BTD: variants seen among roughly 807,000 people sequenced by gnomAD.
The protein encoded by BTD is biocytinase.
In BTD, 13 loss-of-function variants were observed where a neutral mutation model predicts 17.7. That is an observed-to-expected ratio of 0.74 (90% confidence interval 0.48 to 1.17). The LOEUF (loss-of-function observed/expected upper bound fraction) is 1.17, where lower values mean the gene tolerates loss of function less well. BTD is among the 50% of genes most tolerant of loss of function. The pLI is 0.00. For synonymous variants in BTD, 240 were observed against 245.2 expected (o/e 0.98, Z 0.20); for missense variants, 674 against 650.4 (o/e 1.04, Z -0.39).
intron 3 of BTD, among the ~76,000 whole-genome samples, chr3:15,700,716 G>A (rs2070452316): frequency 6.6e-6 from 1 of 152,210 alleles, no homozygotes; most frequent in Non-Finnish European, 1.5e-5. Flanking sequence ...GGAGGTTGCA[G>A]TGAGCAGAGA....
intron 2 of BTD, among the ~76,000 whole-genome samples, chr3:15,640,393 T>C (rs2065463965): frequency 6.6e-6 from 1 of 150,654 alleles, no homozygotes; most frequent in Non-Finnish European, 1.5e-5. Flanking sequence ...AGTTTTTTTT[T>C]TTTCCTTTTT....
rs1232335886 is a variant in BTD at position 15,635,147 on chromosome 3, T to C, written c.-16-277T>C. 6.6e-6 allele frequency among the ~76,000 whole-genome samples: 1 copy of C among 152,244 alleles called. No individual in the cohort carries two copies. The highest frequency in any genetic ancestry group is 1.5e-5 in the Non-Finnish European group (1 of 68,036). ...GGGTAGTGACGCACTACAGTCTTGC[T>C]GAACACTGGGTAAGAAAATCATAGC... On this transcript the variant is annotated intron_variant, in intron 1 of 3. Transcript: ENST00000643237. This position sits in a 1 kb window ranked among gnomAD's most constrained non-coding sequence, Gnocchi z 4.1.
At chr3:15,622,747 G>A (rs992571165) in intron 1 of BTD, among the ~76,000 whole-genome samples, 8 of 151,826 alleles carry the variant, frequency 5.3e-5, no homozygotes, top group Non-Finnish European at 1.0e-4. Flanking sequence ...TTGGCACAAT[G>A]CACATTAAGG....
chr3:15,640,984 T>TGCCTGCCTTCTCC (rs1272214066), intron 2 of BTD, among the ~76,000 whole-genome samples: 2 of 152,220 alleles, frequency 1.3e-5, no homozygotes, highest in African/African-American at 4.8e-5. Context: ...ATGCCTTCTC[T>TGCCTGCCTTCTCC]GCCTGCCTTC....
rs145920934 is a variant in BTD at position 15,652,631 on chromosome 3, G to A, written c.*7143G>A. On this transcript the variant is annotated 3_prime_UTR_variant, in exon 4 of 4. Transcript: ENST00000643237. The stretch of plus-strand genomic sequence containing the variant: ...CTCAGAAACTATAAAATATAAATGT[G>A]TGTTGTTTTAAAATCCTAGGTTTTG... Among the ~76,000 whole-genome samples the A allele has an allele frequency of 6.6e-6, 1 of 152,308 alleles. No homozygotes were observed. The highest frequency in any genetic ancestry group is 1.9e-4 in the East Asian group (1 of 5,184).
intron 1 of BTD, among the ~76,000 whole-genome samples, chr3:15,604,799 G>T (rs1031614608): frequency 4.6e-5 from 7 of 152,186 alleles, no homozygotes; most frequent in African/African-American, 1.4e-4. Flanking sequence ...TGCATAGCAA[G>T]AGTGACCTTT....
At chr3:15,670,165 G>A (rs1575055635) in intron 3 of BTD, 1 of 1,290,864 alleles carries the variant, frequency 7.7e-7, no homozygotes, top group East Asian at 2.5e-5. Flanking sequence ...CTCACTGTGG[G>A]ATCTTTCCTC....
intron 3 of BTD, chr3:15,676,081 T>G: frequency 2.9e-6 from 3 of 1,032,088 alleles, no homozygotes; most frequent in Non-Finnish European, 4.2e-6. Context: ...TTTTGTCAAC[T>G]TGTGAAGACC....
At position 15,649,491 on chromosome 3, in the gene BTD, C is replaced by T. The variant is rs1037550000; in HGVS notation, c.*4003C>T. On this transcript the variant is annotated 3_prime_UTR_variant, in exon 4 of 4. Transcript: ENST00000643237. ...TGCTCAATCCAAATCACAGCTCTCC[C>T]GTTTCTCACCTCCCAACAGTTGCTG... Among the ~76,000 whole-genome samples the T allele has an allele frequency of 5.3e-5, 8 of 152,226 alleles. No individual in the cohort carries two copies. The highest frequency in any genetic ancestry group is 1.4e-4 in the African/African-American group (6 of 41,468).
At chr3:15,630,709 A>C (rs975786964) in intron 1 of BTD, among the ~76,000 whole-genome samples, 1 of 152,208 alleles carries the variant, frequency 6.6e-6, no homozygotes, top group African/African-American at 2.4e-5. Flanking sequence ...TGAAATTACA[A>C]TTTACCACCT....
At chr3:15,686,277 A>G (rs748917254) in intron 3 of BTD, 4 of 1,590,088 alleles carry the variant, frequency 2.5e-6, no homozygotes, top group South Asian at 1.1e-5. Context: ...TTTCCTATTA[A>G]TAGCCGTAAG....
chr3:15,642,336 T>C, intron 3 of BTD: 3 of 1,238,944 alleles, frequency 2.4e-6, no homozygotes, highest in Non-Finnish European at 3.2e-6. Context: ...AAAGAAAAGT[T>C]CATCTTCACC....
rs752579882 is a variant in BTD, at chr3:15,652,608, CAG to C, written c.*7122_*7123del. Reference sequence around the variant, plus strand: ...AAGTCACTCTTGATTTCCTAAGTCTCAGAAACTATAAAATATAAATGTGTGTT... The same window carrying C: ...AAGTCACTCTTGATTTCCTAAGTCTCAAACTATAAAATATAAATGTGTGTT... On this transcript the variant is annotated 3_prime_UTR_variant, in exon 4 of 4. Coordinates refer to ENST00000643237, the MANE Select transcript of BTD (RefSeq NM_001370658.1). 1.2e-4 allele frequency among the ~76,000 whole-genome samples: 18 copies of C among 152,324 alleles called. No individual in the cohort carries two copies. In the Middle Eastern group the frequency reaches 0.01, roughly 86 times the overall value.
chr3:15,642,795 A>C (rs1421485202), intron 3 of BTD, among the ~76,000 whole-genome samples: 2 of 152,060 alleles, frequency 1.3e-5, no homozygotes, highest in East Asian at 3.9e-4. Context: ...CTATATGCTT[A>C]TTCATTTTAA....
downstream of BTD, among the ~76,000 whole-genome samples, chr3:15,657,840 G>A (rs2455797): frequency 0.67 from 100,884 of 151,070 alleles, 33,948 homozygotes; most frequent in East Asian, 0.78. Context: ...AAAAAAAAGA[G>A]TACCAGAAAC....
intron 3 of BTD, among the ~76,000 whole-genome samples, chr3:15,698,734 TAA>T (rs2070069722): frequency 6.6e-6 from 1 of 151,972 alleles, no homozygotes. Context: ...CTCAATGAAA[TAA>T]AAGAGGACAT....
At chr3:15,654,822 C>T (rs1330316978), downstream of BTD, among the ~76,000 whole-genome samples, 5 of 152,090 alleles carry the variant, frequency 3.3e-5, no homozygotes, top group Admixed American at 2.6e-4. Flanking sequence ...GCAACCTCTG[C>T]GTCCCGGGTT....
intron 3 of BTD, chr3:15,667,246 T>C (rs1345048437): frequency 6.6e-6 from 1 of 152,244 alleles, no homozygotes; most frequent in Admixed American, 6.5e-5. Flanking sequence ...TTTATTGCAT[T>C]AAAAAACTTT....
intron 3 of BTD, among the ~76,000 whole-genome samples, chr3:15,691,927 G>A (rs1022616966): frequency 6.6e-6 from 1 of 151,878 alleles, no homozygotes; most frequent in Admixed American, 6.6e-5. Flanking sequence ...CAGGAGTTTG[G>A]GGCCAGCCTG....
Sources: gnomAD v4.1 joint callset for allele counts (sites outside exome capture counted in the v4.1 genomes callset) on GRCh38, gnomAD v4.1.1 for gene constraint, Gnocchi (gnomAD v3.1) non-coding constraint, MANE v1.5 for transcripts, NCBI Gene and HGNC (gene_info 2026-07-23, HGNC 2026-07-21) for gene names.